Variants in CHN2 observed in about 807,000 individuals in gnomAD.
CHN2 encodes beta-chimaerin.
CHN2 carries 35 observed loss-of-function variants against 56.3 expected under a neutral mutation model. The observed-to-expected ratio is 0.62, with a 90% confidence interval of 0.47 to 0.82. CHN2 has a LOEUF of 0.82. CHN2 is among the 40% of genes least tolerant of loss of function. The probability of loss-of-function intolerance (pLI) is 0.00; values close to 1 mark genes in which losing one functional copy is unlikely to be tolerated. For missense variants in CHN2, 491 were observed against 580.5 expected, an observed-to-expected ratio of 0.85 and a Z score of 1.58; for synonymous variants, 210 against 212.8, an observed-to-expected ratio of 0.99 and a Z score of 0.12.
chr7:29,412,320 CTTTTTTTTTT>C (rs1158746299), intron 6 of CHN2, among the ~76,000 whole-genome samples: 2 of 69,510 alleles, frequency 2.9e-5, no homozygotes, highest in Admixed American at 1.8e-4. Flanking sequence ...GCTAAAGAGT[CTTTTTTTTTT>C]TTTTTTTTTT....
chr7:29,382,119 G>A (rs958881496), intron 3 of CHN2, among the ~76,000 whole-genome samples: 2 of 152,156 alleles, frequency 1.3e-5, no homozygotes, highest in African/African-American at 2.4e-5. Context: ...TAAAGAAAGT[G>A]CTTAGAACAA....
chr7:29,391,935 T>A (rs1210022656), intron 3 of CHN2, among the ~76,000 whole-genome samples: 1 of 152,222 alleles, frequency 6.6e-6, no homozygotes, highest in Non-Finnish European at 1.5e-5. Flanking sequence ...CAAGAGTTAG[T>A]AGTATTACCA....
intron 5 of CHN2, among the ~76,000 whole-genome samples, chr7:29,398,692 G>A (rs1405419503): frequency 6.6e-6 from 1 of 151,876 alleles, no homozygotes; most frequent in South Asian, 2.1e-4. Context: ...TGCCTCCCAG[G>A]CTCAAGTGCC....
At chr7:29,425,263 G>A (rs1205169624) in intron 6 of CHN2, among the ~76,000 whole-genome samples, 4 of 152,214 alleles carry the variant, frequency 2.6e-5, no homozygotes, top group Non-Finnish European at 5.9e-5. Flanking sequence ...TTGTCTGCCT[G>A]TGCAAGATGC....
intron 2 of CHN2, among the ~76,000 whole-genome samples, chr7:29,178,939 A>G (rs1398466037): frequency 6.6e-6 from 1 of 152,220 alleles, no homozygotes; most frequent in Non-Finnish European, 1.5e-5. Context: ...ACACCATTTA[A>G]GGGACATTAT....
chr7:29,147,854 T>G (rs1377970145), intron 2 of CHN2, among the ~76,000 whole-genome samples: 1 of 152,202 alleles, frequency 6.6e-6, no homozygotes, highest in Admixed American at 6.5e-5. Context: ...AGTTCTACCT[T>G]CCTACCTAGA....
At position 29,194,786 on chromosome 7, in the gene CHN2, A is replaced by C; in HGVS notation, c.-156A>C. The stretch of plus-strand genomic sequence containing the variant: ...GCAGCGCGTCATCTGGTGGAGCAGG[A>C]AGTGCAGGCAGAGTCCGGAGGCTGG... On this transcript the variant is annotated 5_prime_UTR_variant, in exon 1 of 13. Transcript: ENST00000222792. The C allele has an allele frequency of 1.9e-6, 1 of 522,350 alleles. No homozygotes were observed. Among genetic ancestry groups the C allele is most frequent in the Non-Finnish European group, 3.1e-6 (1 of 327,582 alleles). 32.4% of individuals were successfully genotyped at this position (522,350 alleles called of 1,614,324 possible).
chr7:29,410,546 C>T (rs1803105137), intron 6 of CHN2, among the ~76,000 whole-genome samples: 2 of 151,750 alleles, frequency 1.3e-5, no homozygotes, highest in Non-Finnish European at 2.9e-5. Flanking sequence ...AATTGGTAAG[C>T]GTTGAAATAG....
rs186931590 is a variant in CHN2 at position 29,227,036 on chromosome 7, A to G, written c.49+32046A>G. On this transcript the variant is annotated intron_variant, in intron 1 of 12. Transcript: ENST00000222792. Reference sequence around the variant, plus strand: ...TCCCTGACCTCAAGACATTAGACCTATGGCAATATGGGACATGATGCTGTC... The same window carrying G: ...TCCCTGACCTCAAGACATTAGACCTGTGGCAATATGGGACATGATGCTGTC... Among the ~76,000 whole-genome samples the G allele has an allele frequency of 1.6e-3, 237 of 152,328 alleles. 1 individual carries two copies. Among genetic ancestry groups the G allele is most frequent in the African/African-American group, 5.3e-3 (221 of 41,576 alleles).
chr7:29,358,814 C>T (rs1798521607), intron 2 of CHN2, among the ~76,000 whole-genome samples: 1 of 152,168 alleles, frequency 6.6e-6, no homozygotes, highest in Non-Finnish European at 1.5e-5. Flanking sequence ...TGGCTGCAAG[C>T]AACAGAATAC....
chr7:29,348,761 T>A (rs1027499962), intron 1 of CHN2, among the ~76,000 whole-genome samples: 13 of 151,954 alleles, frequency 8.6e-5, no homozygotes, highest in African/African-American at 2.9e-4. Context: ...AGTGTACTTT[T>A]AAAAAAAACT....
intron 2 of CHN2, among the ~76,000 whole-genome samples, chr7:29,168,917 T>C (rs1282039014): frequency 6.6e-6 from 1 of 152,182 alleles, no homozygotes; most frequent in Non-Finnish European, 1.5e-5. Flanking sequence ...CTATTTCTAT[T>C]CGCCATGTTT....
At chr7:29,463,344 A>T (rs1785310305) in intron 6 of CHN2, among the ~76,000 whole-genome samples, 1 of 152,158 alleles carries the variant, frequency 6.6e-6, no homozygotes, top group Non-Finnish European at 1.5e-5. Context: ...AGCCCATGTA[A>T]GGAAACCAGG....
intron 1 of CHN2, among the ~76,000 whole-genome samples, chr7:29,243,270 A>AT (rs1039982641): frequency 3.3e-5 from 5 of 152,224 alleles, no homozygotes; most frequent in African/African-American, 1.2e-4. Flanking sequence ...TTTATGTCTC[A>AT]TTTTTCATAG....
chr7:29,188,531 AT>A (rs199767389), intron 2 of CHN2, among the ~76,000 whole-genome samples: 8 of 149,758 alleles, frequency 5.3e-5, no homozygotes, highest in Non-Finnish European at 8.9e-5. Context: ...TCCTTTTTTT[AT>A]TTTTTTTTTA....
intron 1 of CHN2, among the ~76,000 whole-genome samples, chr7:29,261,161 T>G (rs1789519101): frequency 6.6e-6 from 1 of 152,202 alleles, no homozygotes. Context: ...GTTTTATGTA[T>G]TATCTCCTAT....
chr7:29,307,984 A>C (rs1008147453), intron 1 of CHN2, among the ~76,000 whole-genome samples: 10 of 152,240 alleles, frequency 6.6e-5, no homozygotes, highest in Non-Finnish European at 1.3e-4. Flanking sequence ...GTAGAAAACT[A>C]ATGCATTTAG....
intron 1 of CHN2, among the ~76,000 whole-genome samples, chr7:29,333,595 C>A (rs936182343): frequency 2.0e-5 from 3 of 152,168 alleles, no homozygotes; most frequent in African/African-American, 7.2e-5. Flanking sequence ...GAACATAATG[C>A]GCTAGCAGAC....
chr7:29,322,780 G>A (rs1051846943), intron 1 of CHN2, among the ~76,000 whole-genome samples: 3 of 152,180 alleles, frequency 2.0e-5, no homozygotes, highest in Admixed American at 2.0e-4. Flanking sequence ...GACATGCCTC[G>A]ATTTGGGAAG....
Sources: allele counts gnomAD v4.1 joint callset (sites outside exome capture counted in the v4.1 genomes callset), GRCh38; gene constraint gnomAD v4.1.1; transcripts MANE v1.5; gene names NCBI Gene and HGNC (gene_info 2026-07-23, HGNC 2026-07-21).